TAOK3: variants seen among roughly 807,000 people sequenced by gnomAD.
The protein encoded by TAOK3 is serine/threonine-protein kinase TAO3.
A neutral mutation model predicts 120.4 loss-of-function variants in TAOK3; 40 were observed. The observed-to-expected ratio is 0.33, with a 90% CI of 0.26 to 0.43. The LOEUF (loss-of-function observed/expected upper bound fraction) is 0.43, where lower values mean the gene tolerates loss of function less well. Among genes scored for constraint, TAOK3 ranks in the 20% least tolerant of loss-of-function variants. The pLI is 1.00. For missense variants in TAOK3, 821 were observed against 1,112.1 expected (o/e 0.74, Z 3.72); for synonymous variants, 355 against 387.5 (o/e 0.92, Z 0.99).
intron 1 of TAOK3, among the ~76,000 whole-genome samples, chr12:118,325,089 G>T: frequency 6.6e-6 from 1 of 152,102 alleles, no homozygotes. Flanking sequence ...AATCCACTGT[G>T]TTTATGTGCC....
At chr12:118,234,696 C>T (rs2039948887) in intron 8 of TAOK3, among the ~76,000 whole-genome samples, 1 of 152,144 alleles carries the variant, frequency 6.6e-6, no homozygotes, top group Non-Finnish European at 1.5e-5. Flanking sequence ...GCATAGGCCA[C>T]CACACCTGGC....
intron 9 of TAOK3, among the ~76,000 whole-genome samples, chr12:118,221,913 C>A (rs534003916): frequency 1.3e-5 from 2 of 151,926 alleles, no homozygotes; most frequent in Non-Finnish European, 2.9e-5. Flanking sequence ...GGATTACAGG[C>A]GTGAGCCACT....
intron 1 of TAOK3, among the ~76,000 whole-genome samples, chr12:118,330,839 G>C (rs2044118588): frequency 6.6e-6 from 1 of 151,612 alleles, no homozygotes; most frequent in Non-Finnish European, 1.5e-5. Flanking sequence ...ATGATCCTTT[G>C]GTTTGACAGT....
At chr12:118,214,303 G>A in intron 9 of TAOK3, 193 bp from the exon 10 acceptor site, 1 of 514,274 alleles carries the variant, frequency 1.9e-6, no homozygotes. Context: ...GACATTAAAT[G>A]TACATTGGCA....
At chr12:118,233,289 T>G (rs2039867896) in intron 9 of TAOK3, among the ~76,000 whole-genome samples, 1 of 149,176 alleles carries the variant, frequency 6.7e-6, no homozygotes, top group African/African-American at 2.5e-5. Context: ...CATTAGGAGA[T>G]ATACCTAATG....
At chr12:118,365,005 G>A (rs2045704958) in intron 1 of TAOK3, among the ~76,000 whole-genome samples, 1 of 152,164 alleles carries the variant, frequency 6.6e-6, no homozygotes, top group South Asian at 2.1e-4. Context: ...GATCCCAAGA[G>A]GTATGGATTC....
At chr12:118,287,288 C>T (rs1259024992) in intron 1 of TAOK3, among the ~76,000 whole-genome samples, 2 of 152,142 alleles carry the variant, frequency 1.3e-5, no homozygotes, top group East Asian at 3.9e-4. Flanking sequence ...GAGTCTCACT[C>T]TGTTGCTCAG....
chr12:118,246,130 G>T, intron 3 of TAOK3: 2 of 1,394,938 alleles, frequency 1.4e-6, no homozygotes, highest in Non-Finnish European at 1.9e-6. Context: ...GGCCCTGGTG[G>T]CCCTGGGATG....
At position 118,238,083 on chromosome 12, in the gene TAOK3, A is replaced by G; in HGVS notation, c.427T>C (p.Leu143=). The change falls in exon 7 of 21, where the codon TTG becomes CTG. Residue 143 remains leucine (L), a synonymous_variant. Transcript: ENST00000392533. ...HGLAYLHSHA[L]IHRDIKAGNI... Reference sequence around the variant, plus strand: ...GGTCTCTAATCTTACCTATGAATCAATGCATGAGAATGTAGGTAGGCTAGT... The same window carrying G: ...GGTCTCTAATCTTACCTATGAATCAGTGCATGAGAATGTAGGTAGGCTAGT... 2.5e-6 allele frequency: 4 copies of G among 1,597,868 alleles called. No individual in the cohort carries two copies. Among genetic ancestry groups the G allele is most frequent in the East Asian group, 2.2e-5 (1 of 44,742 alleles).
chr12:118,261,965 A>G (rs1378826204), intron 2 of TAOK3, among the ~76,000 whole-genome samples: 1 of 152,078 alleles, frequency 6.6e-6, no homozygotes, highest in Non-Finnish European at 1.5e-5. Flanking sequence ...GGTTCCAGCA[A>G]TTCTCGTGCC....
At chr12:118,287,657 A>G (rs1318754339) in intron 1 of TAOK3, among the ~76,000 whole-genome samples, 2 of 152,158 alleles carry the variant, frequency 1.3e-5, no homozygotes, top group Non-Finnish European at 2.9e-5. Flanking sequence ...GGAGTTGGTC[A>G]AGACAATTTC....
At chr12:118,231,922 CAA>C (rs571893617) in intron 9 of TAOK3, among the ~76,000 whole-genome samples, 4 of 115,598 alleles carry the variant, frequency 3.5e-5, no homozygotes, top group Admixed American at 9.2e-5. Context: ...GATTGTGTCT[CAA>C]AAAAAAAAAG....
intron 17 of TAOK3, among the ~76,000 whole-genome samples, chr12:118,166,175 C>T (rs139322833): frequency 1.3e-5 from 2 of 152,306 alleles, no homozygotes; most frequent in African/African-American, 4.8e-5. Flanking sequence ...TAAAGTTACA[C>T]AACTTCTATA....
intron 12 of TAOK3, 135 bp from the exon 13 acceptor site, chr12:118,199,392 T>C: frequency 4.4e-6 from 3 of 678,220 alleles, no homozygotes; most frequent in South Asian, 1.7e-5. Flanking sequence ...AAACTTTTTA[T>C]GTACTGGCTC....
intron 1 of TAOK3, among the ~76,000 whole-genome samples, chr12:118,267,029 T>A (rs1285704983): frequency 6.6e-6 from 1 of 152,190 alleles, no homozygotes; most frequent in East Asian, 1.9e-4. Context: ...TCCAGGTAAC[T>A]TAATGGAGAT....
intron 3 of TAOK3, among the ~76,000 whole-genome samples, chr12:118,248,937 T>G (rs1446748438): frequency 6.6e-6 from 1 of 152,140 alleles, no homozygotes; most frequent in Non-Finnish European, 1.5e-5. Flanking sequence ...GATGTGAATT[T>G]TTATACTGGC....
intron 15 of TAOK3, among the ~76,000 whole-genome samples, chr12:118,178,552 C>T (rs1159843228): frequency 1.3e-5 from 2 of 151,956 alleles, no homozygotes; most frequent in East Asian, 1.9e-4. Context: ...CCACCTCCTG[C>T]GTTCAAGTGA....
intron 9 of TAOK3, among the ~76,000 whole-genome samples, chr12:118,224,630 A>G (rs541032470): frequency 6.6e-6 from 1 of 152,304 alleles, no homozygotes; most frequent in African/African-American, 2.4e-5. Flanking sequence ...GACAATTTCA[A>G]CCTCCAAGAG....
intron 9 of TAOK3, among the ~76,000 whole-genome samples, chr12:118,214,578 C>CT (rs34183512): frequency 0.017 from 2,373 of 140,498 alleles, 32 homozygotes; most frequent in African/African-American, 0.039. Flanking sequence ...TAAAATGCAA[C>CT]TTTTTTTTTT....
Sources: allele counts gnomAD v4.1 joint callset (sites outside exome capture counted in the v4.1 genomes callset), GRCh38; gene constraint gnomAD v4.1.1; transcripts MANE v1.5; gene names NCBI Gene and HGNC (gene_info 2026-07-23, HGNC 2026-07-21).